DENND2A: variants seen among roughly 807,000 people sequenced by gnomAD.
DENND2A encodes the protein DENN domain-containing protein 2A.
DENND2A carries 53 observed loss-of-function variants against 105.3 expected under a neutral mutation model. That is an observed-to-expected ratio of 0.50 (90% CI 0.40 to 0.63). The LOEUF is 0.63. DENND2A is among the 30% of genes least tolerant of loss of function. DENND2A has a pLI of 0.00. For synonymous variants in DENND2A, 522 were observed against 508.4 expected, an observed-to-expected ratio of 1.03 and a Z score of -0.36; for missense variants, 1,138 against 1,279.6, an observed-to-expected ratio of 0.89 and a Z score of 1.69.
At position 140,524,461 on chromosome 7, in the gene DENND2A, C is replaced by G. The variant is rs565619881; in HGVS notation, c.2548-1037G>C. ...ATCTGTCTCCTTTCAGTTTCCCTCC[C>G]CAAGACAACAAGCGTTAATGTTTTA... On this transcript the variant is annotated intron_variant, in intron 16 of 19. Transcript: ENST00000496613. Among the ~76,000 whole-genome samples the G allele has an allele frequency of 1.3e-3, 199 of 152,252 alleles. 3 individuals are homozygous for G. The highest frequency in any genetic ancestry group is 4.5e-3 in the African/African-American group (188 of 41,556).
At chr7:140,558,785 T>G (rs1233986330) in intron 10 of DENND2A, among the ~76,000 whole-genome samples, 1 of 145,036 alleles carries the variant, frequency 6.9e-6, no homozygotes, top group Middle Eastern at 3.2e-3. Context: ...GTTTCCATCC[T>G]GGGCTATCCT....
At chr7:140,547,993 T>C (rs74723088) in intron 12 of DENND2A, among the ~76,000 whole-genome samples, 189 of 152,254 alleles carry the variant, frequency 1.2e-3, no homozygotes, top group African/African-American at 4.1e-3. Flanking sequence ...CTAATAGGTA[T>C]AGGGTGTTTT....
At chr7:140,589,505 G>A (rs1207425863) in intron 3 of DENND2A, among the ~76,000 whole-genome samples, 2 of 152,182 alleles carry the variant, frequency 1.3e-5, no homozygotes, top group African/African-American at 2.4e-5. Flanking sequence ...CAGGGCCAGG[G>A]TAGTAACCAC....
At chr7:140,548,585 T>C (rs1796996383) in intron 12 of DENND2A, among the ~76,000 whole-genome samples, 1 of 152,044 alleles carries the variant, frequency 6.6e-6, no homozygotes, top group Admixed American at 6.6e-5. Flanking sequence ...GAAATATGGC[T>C]AGTCTGAATT....
chr7:140,559,805 A>G lies in DENND2A; in HGVS notation c.1792T>C (p.Phe598Leu). The change falls in exon 10 of 20, where the codon TTC becomes CTC. Residue 598 changes from phenylalanine to leucine, a missense_variant. Physicochemically the swap from Phe to Leu is conservative, Grantham distance 22. Transcript: ENST00000496613. This position sits in a 1 kb window ranked among gnomAD's most constrained non-coding sequence, Gnocchi z 4.1. The part of the protein sequence containing the change: ...QQFPLKLERS[F>L]KFMREAEDQL... ...TCCTCAGCTTCTCTCATGAACTTGA[A>G]AGACCTTTCCAACTGCAGGGAGAAA... The G allele has an allele frequency of 1.9e-6, 3 of 1,613,708 alleles. No homozygotes were observed. Among genetic ancestry groups the G allele is most frequent in the Non-Finnish European group, 2.5e-6 (3 of 1,179,612 alleles).
In DENND2A at chr7:140,585,706, C is replaced by T. The variant is rs755674909; in HGVS notation, c.1128G>A (p.Pro376=). 11 of 1,614,030 alleles carry T rather than the reference C, an allele frequency of 6.8e-6. No homozygotes were observed. In the East Asian group the frequency reaches 8.9e-5, roughly 13 times the overall value. ...CCTCATAAGGGTTCTCCTTCATTGG[C>T]GGATCTGTGTTCAAAGGCAATGTGT... ...EENVYEDILD[P]PMKENPYEDI... Residue 376 remains proline (P), a synonymous_variant, in exon 5 of 20, where the codon CCG becomes CCA. Transcript: ENST00000496613.
At chr7:140,583,651 C>T (rs1258239432) in intron 5 of DENND2A, among the ~76,000 whole-genome samples, 5 of 150,430 alleles carry the variant, frequency 3.3e-5, no homozygotes, top group South Asian at 2.1e-4. Flanking sequence ...CAAATTTCGC[C>T]GGGCGCGGTG....
intron 15 of DENND2A, 99 bp from the exon 16 acceptor site, chr7:140,525,891 TG>T: frequency 1.9e-6 from 2 of 1,034,486 alleles, no homozygotes; most frequent in Non-Finnish European, 2.7e-6. Flanking sequence ...GAGAGGCAGC[TG>T]GGGCGGGGCT....
chr7:140,548,918 T>C (rs1029573850), intron 12 of DENND2A, among the ~76,000 whole-genome samples: 2 of 151,856 alleles, frequency 1.3e-5, no homozygotes, highest in Non-Finnish European at 2.9e-5. Flanking sequence ...CCCAGATGTA[T>C]TGTTAAATGT....
At chr7:140,533,145 C>G (rs528064520) in intron 14 of DENND2A, among the ~76,000 whole-genome samples, 1 of 152,196 alleles carries the variant, frequency 6.6e-6, no homozygotes, top group East Asian at 1.9e-4. Context: ...GTGTGCACCA[C>G]CATGCCTGGC....
In DENND2A at chr7:140,557,521, ATATATATATATTTTTTTTTT is replaced by A. The variant is rs1335736247; in HGVS notation, c.1959+602_1959+621del. Among the ~76,000 whole-genome samples the A allele has an allele frequency of 1.1e-3, 29 of 26,632 alleles. 1 individual carries two copies. Among genetic ancestry groups the A allele is most frequent in the Non-Finnish European group, 2.4e-3 (25 of 10,374 alleles). 17.5% of individuals were successfully genotyped at this position (26,632 alleles called of 152,430 possible). ...GTTTTATTTTTTAGTATATATATAT[ATATATATATATTTTTTTTTT>A]TTTTTTTTTTTTTTTTGAGACGGAG... On this transcript the variant is annotated intron_variant, in intron 11 of 19. Transcript: ENST00000496613.
rs992842079 is a variant in DENND2A, at chr7:140,527,155, A to G, written c.2505+163T>C. Among the ~76,000 whole-genome samples, 14 of 152,202 alleles carry G rather than the reference A, an allele frequency of 9.2e-5. No individual in the cohort carries two copies. Among genetic ancestry groups the G allele is most frequent in the Non-Finnish European group, 1.9e-4 (13 of 68,032 alleles). On this transcript the variant is annotated intron_variant, in intron 15 of 19. Transcript: ENST00000496613. This position sits in a 1 kb window ranked among gnomAD's most constrained non-coding sequence, Gnocchi z 4.9. ...CAGTCACTGAGGGTCTGACTGAGTC[A>G]GCCTCTGGGCAGGACCCATGCCAGA...
rs555327198 is a variant in DENND2A at position 140,569,390 on chromosome 7, C to T, written c.1540+255G>A. 2.3e-3 allele frequency among the ~76,000 whole-genome samples: 347 copies of T among 152,342 alleles called. 3 individuals are homozygous for T. Among genetic ancestry groups the T allele is most frequent in the Middle Eastern group, 6.8e-3 (2 of 294 alleles). The stretch of plus-strand genomic sequence containing the variant: ...TGTGCAGGCTAAGCAAGGAAGGCTG[C>T]TCCCACAGTCAGGCCAGGGCCTGCA... On this transcript the variant is annotated intron_variant, in intron 7 of 19. Transcript: ENST00000496613.
intron 14 of DENND2A, among the ~76,000 whole-genome samples, chr7:140,534,081 A>ATTCTTTTTTTTTTTTT (rs1796368481): frequency 1.2e-5 from 1 of 80,104 alleles, no homozygotes; most frequent in Non-Finnish European, 2.3e-5. Flanking sequence ...TGCCTGGTTA[A>ATTCTTTTTTTTTTTTT]TTTTTTTTTT....
At chr7:140,629,080 G>A (rs1254083725) in intron 1 of DENND2A, among the ~76,000 whole-genome samples, 1 of 152,126 alleles carries the variant, frequency 6.6e-6, no homozygotes, top group Non-Finnish European at 1.5e-5. Flanking sequence ...TGCCTGACAC[G>A]CCCTTAAACT....
intron 5 of DENND2A, among the ~76,000 whole-genome samples, chr7:140,579,313 AT>A (rs941369151): frequency 1.2e-4 from 18 of 152,090 alleles, no homozygotes; most frequent in African/African-American, 3.9e-4. Context: ...AATAATAATA[AT>A]AAAAAGAAAT....
intron 18 of DENND2A, among the ~76,000 whole-genome samples, chr7:140,520,838 C>T (rs140204268): frequency 0.03 from 4,511 of 151,240 alleles, 214 homozygotes; most frequent in African/African-American, 0.1. Context: ...GGATTACAGG[C>T]GCGCGCCACA....
chr7:140,527,217 C>T lies in DENND2A; in HGVS notation c.2505+101G>A. On this transcript the variant is annotated intron_variant, in intron 15 of 19. Coordinates refer to ENST00000496613, the MANE Select transcript of DENND2A (RefSeq NM_015689.5). The surrounding 1 kb of genome is among the most constrained non-coding windows in gnomAD (Gnocchi z 4.9). Reference sequence around the variant, plus strand: ...TGCCCCCACGCCCTGCTCCCCAACACTGCTGGCTCTGAGAACCGCTCCATG... The same window carrying T: ...TGCCCCCACGCCCTGCTCCCCAACATTGCTGGCTCTGAGAACCGCTCCATG... The T allele has an allele frequency of 4.5e-6, 6 of 1,330,212 alleles. No homozygotes were observed. The highest frequency in any genetic ancestry group is 2.6e-5 in the Admixed American group (1 of 38,566). 82.4% of individuals were successfully genotyped at this position (1,330,212 alleles called of 1,614,324 possible). A position where few individuals can be genotyped will look rare whatever the true frequency, so the allele number is the denominator to read the frequency against.
chr7:140,523,730 G>A lies in DENND2A; in HGVS notation c.2548-306C>T, dbSNP rs576375103. On this transcript the variant is annotated intron_variant, in intron 16 of 19. Coordinates refer to ENST00000496613, the MANE Select transcript of DENND2A (RefSeq NM_015689.5). The surrounding 1 kb of genome is among the most constrained non-coding windows in gnomAD (Gnocchi z 4.5). ...GCTGGAACTACAGGCGCGTGCCACC[G>A]CTCCTGGCTAATGTTTTGTATTTTT... 1.1e-4 allele frequency among the ~76,000 whole-genome samples: 16 copies of A among 152,176 alleles called. No individual in the cohort carries two copies. Among genetic ancestry groups the A allele is most frequent in the African/African-American group, 3.6e-4 (15 of 41,520 alleles).
Sources: gnomAD v4.1 joint callset for allele counts (sites outside exome capture counted in the v4.1 genomes callset) on GRCh38, gnomAD v4.1.1 for gene constraint, Gnocchi (gnomAD v3.1) non-coding constraint, MANE v1.5 for transcripts, NCBI Gene and HGNC (gene_info 2026-07-23, HGNC 2026-07-21) for gene names.